Variants in GRIA1 observed in about 807,000 individuals in gnomAD.
GRIA1 encodes glutamate ionotropic receptor AMPA type subunit 1, also known as glutamate receptor 1.
GRIA1 carries 31 observed loss-of-function variants against 99.2 expected under a neutral mutation model. The observed-to-expected ratio is 0.31, with a 90% CI of 0.23 to 0.42. The LOEUF is 0.42. GRIA1 is among the 10% of genes least tolerant of loss of function. The pLI, the probability that GRIA1 is intolerant of heterozygous loss-of-function variation, is 1.00. For missense variants in GRIA1, 782 were observed against 1,157.5 expected (o/e 0.68, Z 4.71); for synonymous variants, 438 against 432.4 (o/e 1.01, Z -0.16).
At chr5:153,547,481 C>T (rs1759713994) in intron 2 of GRIA1, among the ~76,000 whole-genome samples, 1 of 152,178 alleles carries the variant, frequency 6.6e-6, no homozygotes, top group South Asian at 2.1e-4. Context: ...CAGTAATCAA[C>T]AACCTTCTAC....
chr5:153,779,944 A>C (rs995013104), intron 13 of GRIA1, among the ~76,000 whole-genome samples: 1 of 152,182 alleles, frequency 6.6e-6, no homozygotes, highest in Non-Finnish European at 1.5e-5. Flanking sequence ...AAGGTGGTGA[A>C]AGCGAGGTGG....
chr5:153,800,033 G>A (rs1179844799), intron 14 of GRIA1, among the ~76,000 whole-genome samples: 3 of 152,196 alleles, frequency 2.0e-5, no homozygotes, highest in African/African-American at 4.8e-5. Flanking sequence ...TGTCCTTGGA[G>A]GCTATCCACA....
chr5:153,530,962 C>A (rs1449886134), intron 2 of GRIA1, among the ~76,000 whole-genome samples: 1 of 152,168 alleles, frequency 6.6e-6, no homozygotes, highest in Non-Finnish European at 1.5e-5. Flanking sequence ...CTGCAGATAA[C>A]TAATAGCAGT....
At chr5:153,688,400 T>C (rs1757490419) in intron 8 of GRIA1, among the ~76,000 whole-genome samples, 1 of 152,230 alleles carries the variant, frequency 6.6e-6, no homozygotes, top group African/African-American at 2.4e-5. Flanking sequence ...TGTTGTCCCA[T>C]GGTCTTCTGA....
At chr5:153,612,116 G>A (rs942921945) in intron 2 of GRIA1, among the ~76,000 whole-genome samples, 2 of 152,198 alleles carry the variant, frequency 1.3e-5, no homozygotes, top group African/African-American at 4.8e-5. Flanking sequence ...GAAAAGTAAG[G>A]AATTATTGCT....
At chr5:153,768,066 A>G (rs957603511) in intron 12 of GRIA1, among the ~76,000 whole-genome samples, 1 of 152,156 alleles carries the variant, frequency 6.6e-6, no homozygotes, top group African/African-American at 2.4e-5. Flanking sequence ...GCATCTTGCA[A>G]TTGCCCTGCT....
intron 2 of GRIA1, among the ~76,000 whole-genome samples, chr5:153,613,544 TCTTTC>T (rs1423489959): frequency 6.6e-5 from 10 of 152,194 alleles, no homozygotes; most frequent in African/African-American, 2.4e-4. Context: ...TTTAGCCGCT[TCTTTC>T]CTTCTTTCTT....
At chr5:153,533,010 T>A (rs1758224246) in intron 2 of GRIA1, among the ~76,000 whole-genome samples, 1 of 152,190 alleles carries the variant, frequency 6.6e-6, no homozygotes, top group Admixed American at 6.5e-5. Flanking sequence ...ATCAAATTTT[T>A]AAAATATTAT....
At chr5:153,689,354 T>A (rs1405342411) in intron 8 of GRIA1, among the ~76,000 whole-genome samples, 4 of 152,214 alleles carry the variant, frequency 2.6e-5, no homozygotes, top group Non-Finnish European at 5.9e-5. Flanking sequence ...ATCCTCAGAA[T>A]GGCCTTTTGC....
chr5:153,521,396 GC>G (rs1265804683), intron 2 of GRIA1, among the ~76,000 whole-genome samples: 1 of 152,242 alleles, frequency 6.6e-6, no homozygotes, highest in African/African-American at 2.4e-5. Flanking sequence ...CTGACTTTCT[GC>G]TGTAGCTGCA....
chr5:153,569,361 T>A (rs1448975370), intron 2 of GRIA1, among the ~76,000 whole-genome samples: 1 of 152,230 alleles, frequency 6.6e-6, no homozygotes, highest in Non-Finnish European at 1.5e-5. Flanking sequence ...GGGTAAGCAG[T>A]CTCAGATCAG....
chr5:153,753,699 G>GAAA (rs570394934), intron 11 of GRIA1, among the ~76,000 whole-genome samples: 37,027 of 145,058 alleles, frequency 0.26, 5,842 homozygotes, highest in East Asian at 0.88. Context: ...AATTCTGCAG[G>GAAA]AAAAAAAAAA....
intron 5 of GRIA1, among the ~76,000 whole-genome samples, chr5:153,669,533 C>T (rs1377617054): frequency 6.6e-6 from 1 of 152,202 alleles, no homozygotes; most frequent in East Asian, 1.9e-4. Flanking sequence ...CACTGCTACT[C>T]TGTCCCCCAC....
At position 153,677,134 on chromosome 5, in the gene GRIA1, G is replaced by A. The variant is rs770544535; in HGVS notation, c.1002G>A (p.Gly334=). Reference sequence around the variant, plus strand: ...ACCCAGCTGTTCCCTGGGGCCAAGGGATCGACATCCAGAGAGCTCTGCAGC... The same window carrying A: ...ACCCAGCTGTTCCCTGGGGCCAAGGAATCGACATCCAGAGAGCTCTGCAGC... The part of the protein sequence containing the change: ...LANPAVPWGQ[G]IDIQRALQQV... Residue 334 remains glycine, a synonymous_variant, in exon 7 of 16, where the codon GGG becomes GGA. Transcript: ENST00000285900. 4 of 1,553,920 alleles carry A rather than the reference G, an allele frequency of 2.6e-6. No homozygotes were observed. The highest frequency in any genetic ancestry group is 4.8e-5 in the East Asian group (2 of 41,860).
At chr5:153,633,130 A>G (rs772868856) in intron 2 of GRIA1, among the ~76,000 whole-genome samples, 1 of 152,208 alleles carries the variant, frequency 6.6e-6, no homozygotes, top group Non-Finnish European at 1.5e-5. Context: ...GCTCCTGCTC[A>G]TGGATCTGTG....
In GRIA1 at chr5:153,647,087, C is replaced by A; in HGVS notation, c.380C>A (p.Pro127His). Residue 127 changes from proline to histidine, a missense_variant, in exon 3 of 16, where the codon CCT (proline) becomes CAT (histidine). Pro to His is a moderately conservative substitution (Grantham distance 77). This residue lies in a region of GRIA1 where 461 missense variants were observed against 521.7 expected (regional missense o/e 0.88). Coordinates refer to ENST00000285900, the MANE Select transcript of GRIA1 (RefSeq NM_000827.4). Reference sequence around the variant, plus strand: ...AATCAGTTTGTCCTTCAGCTGCGCCCTGAACTGCAGGATGCCCTCATCAGC... The same window carrying A: ...AATCAGTTTGTCCTTCAGCTGCGCCATGAACTGCAGGATGCCCTCATCAGC... ...TSNQFVLQLR[P>H]ELQDALISII... 1 of 1,613,940 alleles carries A rather than the reference C, an allele frequency of 6.2e-7. No homozygotes were observed. Among genetic ancestry groups the A allele is most frequent in the Non-Finnish European group, 8.5e-7 (1 of 1,179,898 alleles).
intron 14 of GRIA1, among the ~76,000 whole-genome samples, chr5:153,801,357 T>C (rs1050540291): frequency 6.8e-6 from 1 of 146,958 alleles, no homozygotes. Context: ...TTGATTGTTC[T>C]CACCACTTGG....
intron 11 of GRIA1, among the ~76,000 whole-genome samples, chr5:153,760,718 GC>G (rs1387658856): frequency 2.0e-5 from 3 of 151,926 alleles, no homozygotes; most frequent in Non-Finnish European, 2.9e-5. Context: ...AAGAGCCAAG[GC>G]AATCTTGAAC....
At chr5:153,736,186 A>C (rs1266682275) in intron 11 of GRIA1, among the ~76,000 whole-genome samples, 1 of 152,240 alleles carries the variant, frequency 6.6e-6, no homozygotes, top group Non-Finnish European at 1.5e-5. Context: ...ACAAAAACAC[A>C]GGAAAGTCTG....
Sources: gnomAD v4.1 joint callset for allele counts (sites outside exome capture counted in the v4.1 genomes callset) on GRCh38, gnomAD v4.1.1 for gene constraint, gnomAD v4.1.1 regional missense constraint, MANE v1.5 for transcripts, NCBI Gene and HGNC (gene_info 2026-07-23, HGNC 2026-07-21) for gene names.